The following AGO3 variants were observed in gnomAD, a reference collection of about 807,000 sequenced individuals.
AGO3 encodes argonaute RISC catalytic component 3.
Under a neutral mutation model 105.5 loss-of-function variants are expected in AGO3, and 16 were observed. That is an observed-to-expected ratio of 0.15 (90% confidence interval 0.10 to 0.23). The LOEUF is 0.23. Ranked by LOEUF, AGO3 falls within the 10% of genes least tolerant of loss-of-function variation. The probability of loss-of-function intolerance (pLI) is 1.00; values close to 1 mark genes in which losing one functional copy is unlikely to be tolerated. For missense variants in AGO3, 534 were observed against 1,088.0 expected (o/e 0.49, Z 7.16); for synonymous variants, 340 against 367.3 (o/e 0.93, Z 0.85).
intron 17 of AGO3, among the ~76,000 whole-genome samples, 168 bp downstream of exon 17, chr1:36,043,716 T>C (rs960613186): frequency 2.6e-5 from 4 of 152,140 alleles, no homozygotes; most frequent in Non-Finnish European, 1.5e-5. Context: ...TTCCTTACCT[T>C]GAGAGGGGCT....
rs921344939 is a variant in AGO3 at position 36,056,498 on chromosome 1, C to T, written c.*753C>T. On this transcript the variant is annotated 3_prime_UTR_variant, in exon 19 of 19. Transcript: ENST00000373191. ...TTTATTTTGCATACCCTACTCCTGA[C>T]TCCTATCTCATACACAATTCTGAGT... 1 of 152,096 alleles carries T rather than the reference C, an allele frequency of 6.6e-6. No individual in the cohort carries two copies. Among genetic ancestry groups the T allele is most frequent in the African/African-American group, 2.4e-5 (1 of 41,436 alleles). The allele number at this position is 152,096 out of a possible 1,614,324, so 9.4% of individuals were successfully genotyped here. A position where few individuals can be genotyped will look rare whatever the true frequency, so the allele number is the denominator to read the frequency against.
At chr1:35,963,016 T>A (rs1646706234) in intron 2 of AGO3, among the ~76,000 whole-genome samples, 1 of 152,214 alleles carries the variant, frequency 6.6e-6, no homozygotes, top group African/African-American at 2.4e-5. Context: ...ACATATTGGC[T>A]GGACGCAGGG....
intron 5 of AGO3, among the ~76,000 whole-genome samples, chr1:35,996,769 C>CA (rs112237843): frequency 0.17 from 19,841 of 116,052 alleles, 1,540 homozygotes; most frequent in South Asian, 0.29. Flanking sequence ...AACTCCATCT[C>CA]AAAAAAAAAA....
At chr1:35,974,230 T>C (rs1047878852) in intron 5 of AGO3, among the ~76,000 whole-genome samples, 1 of 152,180 alleles carries the variant, frequency 6.6e-6, no homozygotes, top group Non-Finnish European at 1.5e-5. Context: ...CACAATCAGA[T>C]TTCCCTGATT....
intron 5 of AGO3, among the ~76,000 whole-genome samples, chr1:35,978,580 ACTTCCT>A (rs776336981): frequency 3.0e-4 from 45 of 152,088 alleles, no homozygotes; most frequent in Non-Finnish European, 6.5e-4. Context: ...ATATCTGCCA[ACTTCCT>A]CTTCCTTCCT....
At chr1:35,936,392 T>A (rs2148739631) in intron 1 of AGO3, among the ~76,000 whole-genome samples, 1 of 152,342 alleles carries the variant, frequency 6.6e-6, no homozygotes, top group South Asian at 2.1e-4. Flanking sequence ...AATGTCAGTT[T>A]AAGGAAATGA....
At chr1:36,047,278 C>G (rs1362762189) in intron 17 of AGO3, among the ~76,000 whole-genome samples, 1 of 151,660 alleles carries the variant, frequency 6.6e-6, no homozygotes, top group East Asian at 1.9e-4. Flanking sequence ...ACAATATGAA[C>G]AAGAAATTCA....
Position 35,976,511 on chromosome 1 carries a change from TAGAC to T in AGO3, c.658+3003_658+3006del, listed in dbSNP as rs1466161470. On this transcript the variant is annotated intron_variant, in intron 5 of 18. Coordinates refer to ENST00000373191, the MANE Select transcript of AGO3 (RefSeq NM_024852.4). ...TTTTTATCAGATTATATAGACTAATTAGACAGGGTAGGATTAAATAGTAGTGATT... is the reference window on the plus strand; with the variant it reads ...TTTTTATCAGATTATATAGACTAATTAGGGTAGGATTAAATAGTAGTGATT... Among the ~76,000 whole-genome samples the T allele has an allele frequency of 9.2e-5, 14 of 152,326 alleles. No homozygotes were observed. The East Asian group carries it at 1.9e-3, about 21-fold the overall frequency.
rs928492161 is a variant in AGO3 at position 36,061,905 on chromosome 1, C to T, written c.*6160C>T. The T allele has an allele frequency of 2.6e-5, 4 of 152,076 alleles. No individual in the cohort carries two copies. The highest frequency in any genetic ancestry group is 4.8e-5 in the African/African-American group (2 of 41,404). 9.4% of individuals were successfully genotyped at this position (152,076 alleles called of 1,614,324 possible). A position where few individuals can be genotyped will look rare whatever the true frequency, so the allele number is the denominator to read the frequency against. The stretch of plus-strand genomic sequence containing the variant: ...TAATGTTAGTTGTTGTCTTGAATCT[C>T]GTCCAAGGGAACCAAGGAAAGCTTT... On this transcript the variant is annotated 3_prime_UTR_variant, in exon 19 of 19. Coordinates refer to ENST00000373191, the MANE Select transcript of AGO3 (RefSeq NM_024852.4).
intron 5 of AGO3, among the ~76,000 whole-genome samples, chr1:35,986,130 A>G (rs1647170595): frequency 6.6e-6 from 1 of 152,232 alleles, no homozygotes; most frequent in Non-Finnish European, 1.5e-5. Flanking sequence ...TTGTAGTAGT[A>G]CCATTTGGTA....
intron 5 of AGO3, chr1:36,003,879 G>C (rs1441935319): frequency 6.6e-6 from 1 of 151,508 alleles, no homozygotes. Flanking sequence ...TACTGGCCAG[G>C]CATGGTGGCT....
chr1:35,941,735 G>A (rs561732331), intron 1 of AGO3, among the ~76,000 whole-genome samples: 9 of 152,196 alleles, frequency 5.9e-5, no homozygotes, highest in Non-Finnish European at 1.2e-4. Context: ...GCTCACACCT[G>A]TAATCCCAGT....
At chr1:35,945,981 G>A (rs1421402945) in intron 2 of AGO3, 118 bp downstream of exon 2, 3 of 1,064,376 alleles carry the variant, frequency 2.8e-6, no homozygotes, top group South Asian at 2.1e-5. Flanking sequence ...AAAAACATCT[G>A]GTAATTTGTT....
chr1:36,038,254 T>TC (rs1642097300), intron 14 of AGO3, among the ~76,000 whole-genome samples: 1 of 140,684 alleles, frequency 7.1e-6, no homozygotes, highest in Non-Finnish European at 1.5e-5. Context: ...GATTTATTCT[T>TC]TTTTTTTTTT....
At chr1:35,999,276 G>A (rs1313435997) in intron 5 of AGO3, among the ~76,000 whole-genome samples, 1 of 152,076 alleles carries the variant, frequency 6.6e-6, no homozygotes, top group Non-Finnish European at 1.5e-5. Context: ...GGAGACAGAG[G>A]TTGCAGTTAG....
chr1:35,939,622 A>G (rs1646216242), intron 1 of AGO3, among the ~76,000 whole-genome samples: 3 of 152,184 alleles, frequency 2.0e-5, no homozygotes, highest in Admixed American at 2.0e-4. Flanking sequence ...ATAGTCTATC[A>G]GAAAAAGTTA....
intron 1 of AGO3, among the ~76,000 whole-genome samples, chr1:35,942,655 AC>A (rs1413140484): frequency 1.3e-5 from 2 of 152,150 alleles, no homozygotes; most frequent in African/African-American, 4.8e-5. Context: ...ATTTTGATTA[AC>A]AAAGCTGTAT....
At chr1:35,939,179 A>G (rs969486676) in intron 1 of AGO3, among the ~76,000 whole-genome samples, 1 of 152,162 alleles carries the variant, frequency 6.6e-6, no homozygotes, top group Non-Finnish European at 1.5e-5. Flanking sequence ...GAATTGTTTC[A>G]TCTGCTAATT....
chr1:35,961,214 G>A (rs1646670122), intron 2 of AGO3, among the ~76,000 whole-genome samples: 1 of 151,916 alleles, frequency 6.6e-6, no homozygotes, highest in African/African-American at 2.4e-5. Flanking sequence ...GCCCCCCAAA[G>A]TGGTGGGATT....
Sources: gnomAD v4.1 joint callset for allele counts (sites outside exome capture counted in the v4.1 genomes callset) on GRCh38, gnomAD v4.1.1 for gene constraint, MANE v1.5 for transcripts, NCBI Gene and HGNC (gene_info 2026-07-23, HGNC 2026-07-21) for gene names.